IDO2: variants seen among roughly 807,000 people sequenced by gnomAD.
The protein encoded by IDO2 is indoleamine 2,3-dioxygenase-like 1 protein.
A neutral mutation model predicts 45.1 loss-of-function variants in IDO2; 46 were observed. That is an observed-to-expected ratio of 1.02 (90% CI 0.80 to 1.30). IDO2 has a LOEUF of 1.30. IDO2 is among the 50% of genes most tolerant of loss of function. The pLI, the probability that IDO2 is intolerant of heterozygous loss-of-function variation, is 0.00. For synonymous variants in IDO2, 218 were observed against 184.9 expected (o/e 1.18, Z -1.45); for missense variants, 544 against 491.8 (o/e 1.11, Z -1.00).
intron 1 of IDO2, among the ~76,000 whole-genome samples, chr8:39,945,705 C>A (rs1807718229): frequency 6.6e-6 from 1 of 152,040 alleles, no homozygotes; most frequent in Non-Finnish European, 1.5e-5. Flanking sequence ...ACTCTGGGAC[C>A]CTCTTAGCCA....
rs532947947 is a variant in IDO2, at chr8:39,970,297, G to A, written c.195+6594G>A. Among the ~76,000 whole-genome samples the A allele has an allele frequency of 3.9e-5, 6 of 152,372 alleles. No individual in the cohort carries two copies. In the East Asian group the frequency reaches 1.2e-3, roughly 29 times the overall value. On this transcript the variant is annotated intron_variant, in intron 3 of 10. Coordinates refer to ENST00000502986, the Ensembl canonical transcript of IDO2. ...CAACATAAAAGTGCAAGGTGAAGCAGCAAGTGCTGATGGAGAAGCTGCAGC... is the reference window on the plus strand; with the variant it reads ...CAACATAAAAGTGCAAGGTGAAGCAACAAGTGCTGATGGAGAAGCTGCAGC...
intron 3 of IDO2, among the ~76,000 whole-genome samples, chr8:39,978,132 G>C (rs1054884982): frequency 6.6e-6 from 1 of 152,200 alleles, no homozygotes. Flanking sequence ...GGAGGACAGC[G>C]GGTGAAGGAC....
chr8:39,959,283 AT>A (rs68172769), intron 2 of IDO2, among the ~76,000 whole-genome samples: 116,503 of 147,358 alleles, frequency 0.79, 46,884 homozygotes, highest in Non-Finnish European at 0.87. Flanking sequence ...AATTTTTTCT[AT>A]TTTTTTTTTT....
At chr8:39,997,016 C>A (rs1277709732) in intron 8 of IDO2, among the ~76,000 whole-genome samples, 2 of 151,618 alleles carry the variant, frequency 1.3e-5, no homozygotes, top group Non-Finnish European at 2.9e-5. Context: ...TTGAAAAATG[C>A]TGCTGCTCAA....
At chr8:39,981,692 C>T (rs534225671) in intron 4 of IDO2, among the ~76,000 whole-genome samples, 3 of 152,246 alleles carry the variant, frequency 2.0e-5, no homozygotes, top group South Asian at 4.1e-4. Context: ...CATTAAAGCT[C>T]TTTAGTGTTT....
At chr8:39,989,286 C>G (rs1410883379) in intron 7 of IDO2, among the ~76,000 whole-genome samples, 1 of 152,106 alleles carries the variant, frequency 6.6e-6, no homozygotes, top group Non-Finnish European at 1.5e-5. Flanking sequence ...CCACCAGGTC[C>G]CTCCATCAGC....
intron 5 of IDO2, 78 bp downstream of exon 5, chr8:39,982,848 A>G: frequency 1.1e-6 from 1 of 948,524 alleles, no homozygotes; most frequent in Non-Finnish European, 1.6e-6. Flanking sequence ...ATAATTAGGG[A>G]AGTTCATATT....
chr8:39,967,244 G>A (rs1808099713), intron 3 of IDO2, among the ~76,000 whole-genome samples: 1 of 152,068 alleles, frequency 6.6e-6, no homozygotes, highest in African/African-American at 2.4e-5. Context: ...ATGGGTGGAG[G>A]AAAAGTAAAA....
chr8:39,944,068 T>C (rs1807694694), intron 1 of IDO2, among the ~76,000 whole-genome samples: 1 of 149,016 alleles, frequency 6.7e-6, no homozygotes, highest in Non-Finnish European at 1.5e-5. Flanking sequence ...GTTGCATTAG[T>C]TAATCTGGGA....
At chr8:39,980,652 C>T (rs1808328607) in intron 4 of IDO2, among the ~76,000 whole-genome samples, 1 of 152,136 alleles carries the variant, frequency 6.6e-6, no homozygotes, top group South Asian at 2.1e-4. Context: ...CCTGATTGAT[C>T]CTACCTCTTG....
At chr8:39,998,394 C>T (rs1802081914) in intron 8 of IDO2, 1 of 152,214 alleles carries the variant, frequency 6.6e-6, no homozygotes, top group African/African-American at 2.4e-5. Flanking sequence ...GCTGTCCTCA[C>T]TGTCATCATG....
intron 3 of IDO2, among the ~76,000 whole-genome samples, chr8:39,977,381 C>T (rs1358328789): frequency 6.6e-6 from 1 of 152,226 alleles, no homozygotes; most frequent in African/African-American, 2.4e-5. Context: ...TCACCTGGTT[C>T]TTGTTAAAAA....
At chr8:39,997,315 T>TA (rs2129595064) in intron 8 of IDO2, among the ~76,000 whole-genome samples, 1 of 152,262 alleles carries the variant, frequency 6.6e-6, no homozygotes, top group Admixed American at 6.5e-5. Flanking sequence ...GCAGGAGTCT[T>TA]ACGGAAGAAT....
At chr8:39,981,476 A>G (rs1326219426) in intron 4 of IDO2, among the ~76,000 whole-genome samples, 1 of 151,924 alleles carries the variant, frequency 6.6e-6, no homozygotes, top group Non-Finnish European at 1.5e-5. Context: ...TTTGGGGGAG[A>G]GAAGAGTGAC....
intron 8 of IDO2, among the ~76,000 whole-genome samples, chr8:40,001,245 ATTT>A (rs1187145007): frequency 1.6e-3 from 153 of 94,426 alleles, no homozygotes; most frequent in Admixed American, 2.5e-3. Context: ...GGCTTTCCTC[ATTT>A]TTTTTTTTTT....
At chr8:40,001,245 ATT>A (rs1187145007) in intron 8 of IDO2, among the ~76,000 whole-genome samples, 10,617 of 93,590 alleles carry the variant, frequency 0.11, 223 homozygotes, top group East Asian at 0.23. Flanking sequence ...GGCTTTCCTC[ATT>A]TTTTTTTTTT....
intron 8 of IDO2, among the ~76,000 whole-genome samples, chr8:40,000,874 C>G (rs540958536): frequency 6.6e-6 from 1 of 152,302 alleles, no homozygotes; most frequent in Non-Finnish European, 1.5e-5. Context: ...TTCATTTCTT[C>G]ATTCATTAAT....
chr8:39,940,635 A>G (rs1807628577), intron 1 of IDO2, among the ~76,000 whole-genome samples: 1 of 152,180 alleles, frequency 6.6e-6, no homozygotes, highest in African/African-American at 2.4e-5. Context: ...GCAATATATT[A>G]TTAACTATGG....
chr8:39,992,266 T>C (rs1801949756), intron 8 of IDO2, among the ~76,000 whole-genome samples: 1 of 152,210 alleles, frequency 6.6e-6, no homozygotes, highest in South Asian at 2.1e-4. Flanking sequence ...CCTTGTGTCC[T>C]GAGCCACTAG....
Sources: allele counts gnomAD v4.1 joint callset (sites outside exome capture counted in the v4.1 genomes callset), GRCh38; gene constraint gnomAD v4.1.1; transcripts MANE v1.5; gene names NCBI Gene and HGNC (gene_info 2026-07-23, HGNC 2026-07-21).